NEMF: variants seen among roughly 807,000 people sequenced by gnomAD.
The protein encoded by NEMF is nuclear export mediator factor, also known as ribosome quality control complex subunit NEMF.
A neutral mutation model predicts 162.2 loss-of-function variants in NEMF; 89 were observed. That is an observed-to-expected ratio of 0.55 (90% confidence interval 0.46 to 0.65). NEMF has a LOEUF of 0.65. Ranked by LOEUF, NEMF falls within the 30% of genes least tolerant of loss-of-function variation. The pLI is 0.00. For synonymous variants in NEMF, 421 were observed against 404.5 expected (o/e 1.04, Z -0.49); for missense variants, 1,133 against 1,261.9 (o/e 0.90, Z 1.55).
intron 26 of NEMF, among the ~76,000 whole-genome samples, 200 bp from the exon 27 acceptor site, chr14:49,789,773 G>A (rs903692734): frequency 1.3e-5 from 2 of 152,224 alleles, no homozygotes; most frequent in Non-Finnish European, 2.9e-5. Context: ...AGGGTGGAGA[G>A]AAGATACACA....
intron 5 of NEMF, among the ~76,000 whole-genome samples, chr14:49,838,827 G>A (rs979652870): frequency 5.3e-5 from 8 of 152,072 alleles, no homozygotes; most frequent in East Asian, 1.9e-4. Context: ...CTTGTGATCC[G>A]CCCACCTTGG....
intron 29 of NEMF, 142 bp from the exon 30 acceptor site, chr14:49,785,462 ACT>A (rs1285118027): frequency 4.8e-6 from 3 of 631,204 alleles, no homozygotes; most frequent in African/African-American, 1.8e-5. Flanking sequence ...TGGTACTTAA[ACT>A]CTGCTTCATA....
At chr14:49,846,291 C>T in intron 3 of NEMF, 26 bp from the exon 4 acceptor site, 2 of 1,604,228 alleles carry the variant, frequency 1.2e-6, no homozygotes, top group Non-Finnish European at 8.5e-7. Context: ...AAAAGGCATT[C>T]ATTTAGTAAA....
intron 4 of NEMF, among the ~76,000 whole-genome samples, chr14:49,841,276 T>C (rs1348207613): frequency 6.7e-6 from 1 of 148,664 alleles, no homozygotes; most frequent in African/African-American, 2.5e-5. Flanking sequence ...TTGAGACTAC[T>C]TAAAAATTGA....
At chr14:49,828,549 A>C (rs978384821) in intron 14 of NEMF, 67 bp downstream of exon 14, 1 of 1,322,376 alleles carries the variant, frequency 7.6e-7, no homozygotes, top group Non-Finnish European at 1.0e-6. Context: ...AATTTTTTAA[A>C]ATGTCCTTAA....
At chr14:49,812,857 G>A (rs1018775150) in intron 18 of NEMF, among the ~76,000 whole-genome samples, 1 of 151,468 alleles carries the variant, frequency 6.6e-6, no homozygotes, top group African/African-American at 2.4e-5. Context: ...CAATGGCACC[G>A]TCTCAGCTCC....
At chr14:49,808,222 G>A (rs1891312103) in intron 18 of NEMF, among the ~76,000 whole-genome samples, 1 of 152,008 alleles carries the variant, frequency 6.6e-6, no homozygotes, top group Non-Finnish European at 1.5e-5. Flanking sequence ...GCCCAGGCTG[G>A]AGTGCAATGA....
At chr14:49,795,622 G>C (rs1409197905) in intron 26 of NEMF, among the ~76,000 whole-genome samples, 169 bp downstream of exon 26, 2 of 152,198 alleles carry the variant, frequency 1.3e-5, no homozygotes, top group Non-Finnish European at 2.9e-5. Flanking sequence ...ACTTCTAATA[G>C]TGATCTCTGT....
At chr14:49,844,261 G>C (rs569169098) in intron 4 of NEMF, among the ~76,000 whole-genome samples, 1 of 152,030 alleles carries the variant, frequency 6.6e-6, no homozygotes, top group Non-Finnish European at 1.5e-5. Flanking sequence ...TTAGATTCTC[G>C]CAAGAAGCAT....
intron 25 of NEMF, among the ~76,000 whole-genome samples, chr14:49,796,582 C>T (rs1459385671): frequency 6.6e-6 from 1 of 152,160 alleles, no homozygotes; most frequent in East Asian, 1.9e-4. Flanking sequence ...AACTTCTGAC[C>T]TCAGGTGATC....
chr14:49,850,878 GT>G, intron 3 of NEMF, among the ~76,000 whole-genome samples: 2 of 152,228 alleles, frequency 1.3e-5, no homozygotes, highest in Middle Eastern at 3.4e-3. Context: ...ACCATAAAAG[GT>G]GAGGTAACTA....
chr14:49,791,465 A>G (rs1185301482), intron 26 of NEMF, among the ~76,000 whole-genome samples: 3 of 146,928 alleles, frequency 2.0e-5, no homozygotes, highest in Non-Finnish European at 4.5e-5. Flanking sequence ...GAGGCCAGGC[A>G]TGGTGGCTCA....
chr14:49,801,349 G>T (rs990903777), intron 22 of NEMF: 1 of 152,142 alleles, frequency 6.6e-6, no homozygotes, highest in Non-Finnish European at 1.5e-5. Flanking sequence ...TTAGCCAGGC[G>T]TGGTGGCAGG....
rs181169745 is a variant in NEMF, at chr14:49,839,206, T to C, written c.507-1000A>G. On this transcript the variant is annotated intron_variant, in intron 5 of 32. Coordinates refer to ENST00000298310, the MANE Select transcript of NEMF (RefSeq NM_004713.6). ...GATTCTCCTGCCTCAGCCTCCCAAA[T>C]AGCTGAAATTACAGGCATGCACCAC... 5.9e-5 allele frequency among the ~76,000 whole-genome samples: 9 copies of C among 151,918 alleles called. No individual in the cohort carries two copies. The East Asian group carries it at 1.7e-3, about 29-fold the overall frequency.
In NEMF at chr14:49,851,593, C is replaced by T. The variant is rs920440369; in HGVS notation, c.201G>A (p.Lys67=). 3.7e-6 allele frequency: 6 copies of T among 1,613,604 alleles called. No homozygotes were observed. In the African/African-American group the frequency reaches 5.3e-5, roughly 14 times the overall value. The change falls in exon 3 of 33, where the codon AAG becomes AAA. Residue 67 remains lysine, a synonymous_variant. Transcript: ENST00000298310. Reference sequence around the variant, plus strand: ...TGGCAAAACTAGACGGCATCATATTCTTAGGCCACTCAAATTCTGTTGTAT... The same window carrying T: ...TGGCAAAACTAGACGGCATCATATTTTTAGGCCACTCAAATTCTGTTGTAT... The part of the protein sequence containing the change: ...RIHTTEFEWP[K]NMMPSSFAMK...
Position 49,782,823 on chromosome 14 carries a change from C to T in NEMF, c.*1813G>A. The T allele has an allele frequency of 6.2e-7, 1 of 1,610,920 alleles. No individual in the cohort carries two copies. The highest frequency in any genetic ancestry group is 8.5e-7 in the Non-Finnish European group (1 of 1,179,060). ...AATTACTTTTCTCTTTCCTTGTCCA[C>T]TTTCAGGCTAAGCTTAGAAGCAGTC... On this transcript the variant is annotated 3_prime_UTR_variant, in exon 33 of 33. Coordinates refer to ENST00000298310, the MANE Select transcript of NEMF (RefSeq NM_004713.6).
intron 26 of NEMF, among the ~76,000 whole-genome samples, chr14:49,790,760 T>A (rs1890402353): frequency 6.6e-6 from 1 of 151,974 alleles, no homozygotes; most frequent in African/African-American, 2.4e-5. Flanking sequence ...GAGGTCTGGG[T>A]AGGTGGATCA....
At chr14:49,850,097 T>C (rs1037984342) in intron 3 of NEMF, among the ~76,000 whole-genome samples, 1 of 152,106 alleles carries the variant, frequency 6.6e-6, no homozygotes. Flanking sequence ...TCAGGTATTG[T>C]TTCAGGTGCC....
At chr14:49,832,702 T>C (rs1892704907) in intron 8 of NEMF, among the ~76,000 whole-genome samples, 1 of 152,192 alleles carries the variant, frequency 6.6e-6, no homozygotes, top group Admixed American at 6.5e-5. Context: ...TGATATTAAT[T>C]TTAATTTTCT....
Sources: gnomAD v4.1 joint callset for allele counts (sites outside exome capture counted in the v4.1 genomes callset) on GRCh38, gnomAD v4.1.1 for gene constraint, MANE v1.5 for transcripts, NCBI Gene and HGNC (gene_info 2026-07-23, HGNC 2026-07-21) for gene names.